Variants in ADGRL2 observed in about 807,000 individuals in gnomAD.
ADGRL2 encodes calcium-independent alpha-latrotoxin receptor 2.
In ADGRL2, 44 loss-of-function variants were observed where a neutral mutation model predicts 157.4. The ratio of observed to expected loss-of-function variants is 0.28; its 90% confidence interval spans 0.22 to 0.36. The LOEUF is 0.36. ADGRL2 is among the 10% of genes least tolerant of loss of function. The pLI is 1.00. For missense variants in ADGRL2, 1,510 were observed against 1,768.9 expected (o/e 0.85, Z 2.63); for synonymous variants, 585 against 624.7 (o/e 0.94, Z 0.95).
intron 2 of ADGRL2, among the ~76,000 whole-genome samples, chr1:81,858,753 T>A (rs1363037851): frequency 6.6e-6 from 1 of 152,134 alleles, no homozygotes; most frequent in Admixed American, 6.6e-5. Context: ...AAAAAATCAT[T>A]TGCAAAATGT....
chr1:81,464,846 C>T (rs113838862), intron 2 of ADGRL2, among the ~76,000 whole-genome samples: 138 of 149,700 alleles, frequency 9.2e-4, no homozygotes, highest in African/African-American at 3.3e-3. Flanking sequence ...TTGCAATATC[C>T]GTGATATTCA....
At chr1:81,591,112 G>A (rs1238722549) in intron 3 of ADGRL2, among the ~76,000 whole-genome samples, 1 of 152,164 alleles carries the variant, frequency 6.6e-6, no homozygotes, top group Non-Finnish European at 1.5e-5. Context: ...GGAAAGTACA[G>A]GCAGATCTGA....
At chr1:81,959,351 T>G (rs996861068) in intron 11 of ADGRL2, among the ~76,000 whole-genome samples, 1 of 152,230 alleles carries the variant, frequency 6.6e-6, no homozygotes, top group Admixed American at 6.5e-5. Context: ...TTAATTGGGT[T>G]GTTTGTCTCA....
intron 3 of ADGRL2, among the ~76,000 whole-genome samples, chr1:81,645,761 T>C (rs1201234469): frequency 6.6e-6 from 1 of 152,200 alleles, no homozygotes; most frequent in Non-Finnish European, 1.5e-5. Context: ...CTTCACTTGC[T>C]GGACATTTAG....
chr1:81,491,298 T>C (rs9662923), intron 2 of ADGRL2, among the ~76,000 whole-genome samples: 22,251 of 152,158 alleles, frequency 0.15, 3,021 homozygotes, highest in African/African-American at 0.36. Context: ...GGGAGAACAG[T>C]AACTAGCAGG....
intron 1 of ADGRL2, among the ~76,000 whole-genome samples, chr1:81,357,457 A>G (rs984199474): frequency 3.3e-5 from 5 of 152,070 alleles, no homozygotes; most frequent in Non-Finnish European, 7.4e-5. Flanking sequence ...CTCTTTTACC[A>G]GCCATTTCTT....
At position 81,817,802 on chromosome 1, in the gene ADGRL2, T is replaced by TA. The variant is rs1487327419; in HGVS notation, c.-101+16735dup. Among the ~76,000 whole-genome samples the TA allele has an allele frequency of 5.9e-5, 9 of 152,168 alleles. No individual in the cohort carries two copies. In the East Asian group the frequency reaches 1.7e-3, roughly 30 times the overall value. ...GCCAGAATGATTCAATTTTTACCGT[T>TA]ATCTACCTCTCACTCCTAGTTTATT... On this transcript the variant is annotated intron_variant, in intron 1 of 23. Coordinates refer to ENST00000686636, the MANE Select transcript of ADGRL2 (RefSeq NM_001366006.2).
intron 2 of ADGRL2, among the ~76,000 whole-genome samples, chr1:81,768,749 A>C (rs1460238950): frequency 6.6e-6 from 1 of 152,138 alleles, no homozygotes; most frequent in Non-Finnish European, 1.5e-5. Flanking sequence ...CTGGTATTAC[A>C]GGTGTGAGCC....
chr1:81,447,613 T>G (rs1036887298), intron 2 of ADGRL2, among the ~76,000 whole-genome samples: 13 of 152,308 alleles, frequency 8.5e-5, no homozygotes, highest in African/African-American at 3.1e-4. Context: ...CTCTCTAAAA[T>G]TTTTGATATA....
At chr1:81,538,782 A>T (rs1010786412) in intron 2 of ADGRL2, among the ~76,000 whole-genome samples, 30 of 152,146 alleles carry the variant, frequency 2.0e-4, no homozygotes, top group Non-Finnish European at 3.8e-4. Context: ...AGGCGGGCAG[A>T]TTGCTTGAGC....
At chr1:81,867,687 A>G (rs2093582020) in intron 2 of ADGRL2, among the ~76,000 whole-genome samples, 1 of 152,198 alleles carries the variant, frequency 6.6e-6, no homozygotes, top group Admixed American at 6.6e-5. Context: ...CCTAAATGAA[A>G]TAAATTTATA....
intron 1 of ADGRL2, among the ~76,000 whole-genome samples, chr1:81,746,787 G>A (rs1446234020): frequency 6.7e-6 from 1 of 150,248 alleles, no homozygotes; most frequent in Non-Finnish European, 1.5e-5. Context: ...CCATTATTTT[G>A]GCCATTATTC....
At chr1:81,378,876 A>G (rs1049159649) in intron 1 of ADGRL2, among the ~76,000 whole-genome samples, 2 of 152,242 alleles carry the variant, frequency 1.3e-5, no homozygotes, top group African/African-American at 2.4e-5. Context: ...TATAGATAGC[A>G]TACTTTCAGG....
chr1:81,898,425 G>A (rs1266491696), intron 2 of ADGRL2, among the ~76,000 whole-genome samples: 1 of 152,050 alleles, frequency 6.6e-6, no homozygotes, highest in African/African-American at 2.4e-5. Context: ...TACTTTCCAC[G>A]TGTCGTAGTT....
chr1:81,852,435 A>C (rs532010786), intron 2 of ADGRL2, among the ~76,000 whole-genome samples: 1 of 152,076 alleles, frequency 6.6e-6, no homozygotes, highest in Non-Finnish European at 1.5e-5. Context: ...TGTATGTGGG[A>C]AAAAAATTTT....
chr1:81,955,112 T>A (rs953405362), intron 10 of ADGRL2, among the ~76,000 whole-genome samples: 4 of 152,234 alleles, frequency 2.6e-5, no homozygotes, highest in Admixed American at 6.5e-5. Flanking sequence ...AAATTAAGCC[T>A]ACATATGTGC....
chr1:81,984,691 C>CG lies in ADGRL2; in HGVS notation c.3392dup (p.Tyr1132LeufsTer15). On this transcript the variant is annotated frameshift_variant, in exon 20 of 24. Transcript: ENST00000686636. LOFTEE classifies it high-confidence loss of function. Reference sequence around the variant, plus strand: ...GGCATCAACCACCAGAACCAGTGCTCGCTATTCCTCTGGCACACAGGTAAC... The same window carrying CG: ...GGCATCAACCACCAGAACCAGTGCTCGGCTATTCCTCTGGCACACAGGTAAC... The CG allele has an allele frequency of 6.2e-7, 1 of 1,612,784 alleles. No homozygotes were observed. The highest frequency in any genetic ancestry group is 8.5e-7 in the Non-Finnish European group (1 of 1,179,124).
intron 1 of ADGRL2, among the ~76,000 whole-genome samples, chr1:81,326,459 A>G (rs1231269488): frequency 6.6e-6 from 1 of 152,240 alleles, no homozygotes; most frequent in East Asian, 1.9e-4. Context: ...TCCACACTAA[A>G]CACAAACGTT....
chr1:81,972,830 T>C (rs1315782025), intron 17 of ADGRL2, among the ~76,000 whole-genome samples: 4 of 151,710 alleles, frequency 2.6e-5, no homozygotes, highest in African/African-American at 9.7e-5. Flanking sequence ...AAGGATCTCT[T>C]GTGCCCAGGA....
Sources: gnomAD v4.1 joint callset for allele counts (sites outside exome capture counted in the v4.1 genomes callset) on GRCh38, gnomAD v4.1.1 for gene constraint, MANE v1.5 for transcripts, NCBI Gene and HGNC (gene_info 2026-07-23, HGNC 2026-07-21) for gene names.